SH3PXD2A: variants seen among roughly 807,000 people sequenced by gnomAD.
SH3PXD2A encodes the protein SH3 and PX domains 2A, also known as SH3 and PX domain-containing protein 2A.
Under a neutral mutation model 115.2 loss-of-function variants are expected in SH3PXD2A, and 32 were observed. The ratio of observed to expected loss-of-function variants is 0.28; its 90% CI spans 0.21 to 0.37. The LOEUF (loss-of-function observed/expected upper bound fraction) is 0.37, where lower values mean the gene tolerates loss of function less well. Ranked by LOEUF, SH3PXD2A falls within the 10% of genes least tolerant of loss-of-function variation. The pLI is 1.00. For missense variants in SH3PXD2A, 1,328 were observed against 1,498.7 expected (o/e 0.89, Z 1.88); for synonymous variants, 610 against 629.1 (o/e 0.97, Z 0.45).
chr10:103,792,771 G>C (rs1014107235), intron 2 of SH3PXD2A, among the ~76,000 whole-genome samples: 2 of 152,124 alleles, frequency 1.3e-5, no homozygotes, highest in Non-Finnish European at 2.9e-5. Flanking sequence ...CCACCCAACT[G>C]CTTCCTGCCT....
chr10:103,606,138 G>T (rs2036296767), intron 13 of SH3PXD2A, among the ~76,000 whole-genome samples: 1 of 151,936 alleles, frequency 6.6e-6, no homozygotes, highest in South Asian at 2.1e-4. Flanking sequence ...ACTCACGGAA[G>T]ACTTGTCTGA....
chr10:103,605,916 C>A lies in SH3PXD2A; in HGVS notation c.1310G>T (p.Gly437Val). 6.2e-7 allele frequency: 1 copy of A among 1,613,994 alleles called. No individual in the cohort carries two copies. The highest frequency in any genetic ancestry group is 1.1e-5 in the South Asian group (1 of 91,052). The stretch of plus-strand genomic sequence containing the variant: ...CTCTGGTGGCTTTGGCAGTTGGAAC[C>A]CCTAAGGTTAAGGAACACACAGTGG... ...RPPPRRESSL[G>V]FQLPKPPEPP... Residue 437 changes from glycine to valine, a missense_variant and splice_region_variant, in exon 14 of 15, where the codon GGG becomes GTG. By Grantham distance (109) the Gly-to-Val change is moderately radical. This residue lies in a region of SH3PXD2A where 509 missense variants were observed against 628.3 expected (regional missense o/e 0.81). Coordinates refer to ENST00000369774, the MANE Select transcript of SH3PXD2A (RefSeq NM_001394015.1).
intron 1 of SH3PXD2A, among the ~76,000 whole-genome samples, chr10:103,852,366 T>C (rs549917211): frequency 3.9e-5 from 6 of 152,370 alleles, no homozygotes; most frequent in African/African-American, 1.4e-4. Context: ...GAGAGAACCT[T>C]TGCAGTGTGT....
chr10:103,607,715 GA>G (rs2036345633), intron 13 of SH3PXD2A, among the ~76,000 whole-genome samples: 1 of 152,220 alleles, frequency 6.6e-6, no homozygotes. Flanking sequence ...AGAAAGGGGG[GA>G]AAGGTGGGGA....
intron 3 of SH3PXD2A, among the ~76,000 whole-genome samples, chr10:103,743,562 G>C (rs1359070744): frequency 1.4e-5 from 2 of 148,142 alleles, no homozygotes; most frequent in Non-Finnish European, 3.1e-5. Flanking sequence ...ATAGTGATGG[G>C]GTCTTGTTAT....
intron 1 of SH3PXD2A, among the ~76,000 whole-genome samples, chr10:103,838,784 C>T (rs2039569824): frequency 6.6e-6 from 1 of 152,232 alleles, no homozygotes; most frequent in African/African-American, 2.4e-5. Context: ...TGGCCCAACA[C>T]AATCAGGGCC....
Position 103,624,140 on chromosome 10 carries a change from C to T in SH3PXD2A, c.719-1587G>A, listed in dbSNP as rs752854045. On this transcript the variant is annotated intron_variant, in intron 9 of 14. Transcript: ENST00000369774. The stretch of plus-strand genomic sequence containing the variant: ...GACTCTTAGCACAGACTCTGCACCC[C>T]GAGCTATTGCTGTTCCCCTAACTCT... Among the ~76,000 whole-genome samples the T allele has an allele frequency of 8.5e-5, 13 of 152,370 alleles. No homozygotes were observed. In the South Asian group the frequency reaches 1.7e-3, roughly 19 times the overall value.
At position 103,596,534 on chromosome 10, in the gene SH3PXD2A, C is replaced by T. The variant is rs1404384901; in HGVS notation, c.*5282G>A. The T allele has an allele frequency of 2.0e-5, 3 of 152,566 alleles. No individual in the cohort carries two copies. The highest frequency in any genetic ancestry group is 4.8e-5 in the African/African-American group (2 of 41,422). 9.5% of individuals were successfully genotyped at this position (152,566 alleles called of 1,614,324 possible). A position where few individuals can be genotyped will look rare whatever the true frequency, so the allele number is the denominator to read the frequency against. ...TGAGTCCCTTGGGACCTGCCCATTG[C>T]CAAGGACTTGTTCAATGGAGACAGC... On this transcript the variant is annotated 3_prime_UTR_variant, in exon 15 of 15. Transcript: ENST00000369774.
In SH3PXD2A at chr10:103,775,928, G is replaced by A. The variant is rs1390487284; in HGVS notation, c.154-8759C>T. Among the ~76,000 whole-genome samples the A allele has an allele frequency of 3.3e-5, 5 of 152,150 alleles. No homozygotes were observed. The East Asian group carries it at 7.7e-4, about 23-fold the overall frequency. Reference sequence around the variant, plus strand: ...GGTGGGAGGTCTCAGATGCCTGCTCGATAATAACACACACTCACTAAGCTG... The same window carrying A: ...GGTGGGAGGTCTCAGATGCCTGCTCAATAATAACACACACTCACTAAGCTG... On this transcript the variant is annotated intron_variant, in intron 2 of 14. Transcript: ENST00000369774.
At position 103,603,431 on chromosome 10, in the gene SH3PXD2A, G is replaced by C; in HGVS notation, c.1787C>G (p.Ser596Cys). The change falls in exon 15 of 15, where the codon TCT (serine) becomes TGT (cysteine). Residue 596 changes from serine (S) to cysteine (C), a missense_variant. By Grantham distance (112) the Ser-to-Cys change is moderately radical. Around this residue, in one of 5 missense-constraint regions of SH3PXD2A, gnomAD observed 509 missense variants for 628.3 expected, o/e 0.81. Transcript: ENST00000369774. ...CTTGAAGCGGGCCCGCTGCAGAGAAGAGGCCGGCGAGGGCCGGTGGGGCTG... is the reference window on the plus strand; with the variant it reads ...CTTGAAGCGGGCCCGCTGCAGAGAACAGGCCGGCGAGGGCCGGTGGGGCTG... Reference protein sequence around the residue: ...PAQPHRPSPASSLQRARFKVG... With the variant: ...PAQPHRPSPACSLQRARFKVG... The C allele has an allele frequency of 6.2e-7, 1 of 1,613,708 alleles. No individual in the cohort carries two copies. The highest frequency in any genetic ancestry group is 8.5e-7 in the Non-Finnish European group (1 of 1,179,818).
At chr10:103,617,123 C>T in intron 11 of SH3PXD2A, 74 bp downstream of exon 11, 2 of 1,015,498 alleles carry the variant, frequency 2.0e-6, no homozygotes, top group Non-Finnish European at 3.1e-6. Context: ...ATCAGGTGGC[C>T]ATGGCCACTT....
At chr10:103,772,510 T>C (rs2038835135) in intron 2 of SH3PXD2A, among the ~76,000 whole-genome samples, 4 of 152,238 alleles carry the variant, frequency 2.6e-5, no homozygotes, top group African/African-American at 9.6e-5. Context: ...GCCAGAGTCC[T>C]GGCTGGAGTG....
At chr10:103,678,151 C>T in intron 6 of SH3PXD2A, 1 of 1,289,180 alleles carries the variant, frequency 7.8e-7, no homozygotes, top group Non-Finnish European at 1.0e-6. Context: ...ACGACCCGTT[C>T]ATGTGTAATG....
chr10:103,611,720 A>G, intron 12 of SH3PXD2A, 90 bp from the exon 13 acceptor site: 1 of 987,368 alleles, frequency 1.0e-6, no homozygotes, highest in Middle Eastern at 2.1e-4. Flanking sequence ...CTAACTCCTG[A>G]TCCTTCAAGT....
At chr10:103,765,202 G>A (rs1321912324) in intron 3 of SH3PXD2A, among the ~76,000 whole-genome samples, 1 of 152,184 alleles carries the variant, frequency 6.6e-6, no homozygotes, top group African/African-American at 2.4e-5. Flanking sequence ...TTTGACTCCT[G>A]AGACAAGGGG....
At chr10:103,727,285 T>C (rs2038252753) in intron 4 of SH3PXD2A, among the ~76,000 whole-genome samples, 1 of 152,044 alleles carries the variant, frequency 6.6e-6, no homozygotes, top group Non-Finnish European at 1.5e-5. Context: ...ATATTCAAGT[T>C]CTCATTTAAC....
intron 3 of SH3PXD2A, among the ~76,000 whole-genome samples, chr10:103,757,355 C>T (rs544619085): frequency 5.3e-5 from 8 of 152,252 alleles, no homozygotes; most frequent in South Asian, 4.2e-4. Flanking sequence ...GACCCAGGCC[C>T]GGGTGCATTT....
intron 4 of SH3PXD2A, among the ~76,000 whole-genome samples, chr10:103,726,677 A>G (rs565715241): frequency 6.6e-6 from 1 of 152,364 alleles, no homozygotes; most frequent in Admixed American, 6.5e-5. Context: ...AAAAACCCAC[A>G]TATAATCTTA....
At chr10:103,760,405 C>CA (rs933829941) in intron 3 of SH3PXD2A, among the ~76,000 whole-genome samples, 3 of 151,808 alleles carry the variant, frequency 2.0e-5, no homozygotes, top group African/African-American at 4.8e-5. Context: ...CCCATCTCTA[C>CA]AAAAAAATAC....
Sources: allele counts gnomAD v4.1 joint callset (sites outside exome capture counted in the v4.1 genomes callset), GRCh38; gene constraint gnomAD v4.1.1; regional missense constraint gnomAD v4.1.1; transcripts MANE v1.5; gene names NCBI Gene and HGNC (gene_info 2026-07-23, HGNC 2026-07-21).